Variants in GRIN2D observed in about 807,000 individuals in gnomAD.
GRIN2D encodes glutamate receptor ionotropic, NMDA 2D.
Under a neutral mutation model 103.2 loss-of-function variants are expected in GRIN2D, and 37 were observed. The observed-to-expected ratio is 0.36, with a 90% confidence interval of 0.28 to 0.47. The LOEUF (loss-of-function observed/expected upper bound fraction) is 0.47, where lower values mean the gene tolerates loss of function less well. Ranked by LOEUF, GRIN2D falls within the 20% of genes least tolerant of loss-of-function variation. The pLI is 1.00. For synonymous variants in GRIN2D, 845 were observed against 885.6 expected, an observed-to-expected ratio of 0.95 and a Z score of 0.81; for missense variants, 1,557 against 1,910.6, an observed-to-expected ratio of 0.81 and a Z score of 3.45.
chr19:48,442,440 AAGCCG>A lies in GRIN2D; in HGVS notation c.2673+62_2673+66del. 1 of 1,566,408 alleles carries A rather than the reference AAGCCG, an allele frequency of 6.4e-7. No homozygotes were observed. The highest frequency in any genetic ancestry group is 8.7e-7 in the Non-Finnish European group (1 of 1,151,684). On this transcript the variant is annotated intron_variant, in intron 13 of 13. Transcript: ENST00000263269. The surrounding 1 kb of genome is among the most constrained non-coding windows in gnomAD (Gnocchi z 7.2). ...GATGGCAGGGGCGGGGACAAAGGTA[AAGCCG>A]AGCAGAGACAAGGAGATGTGGGTCG... is the stretch of plus-strand genomic sequence containing the variant.
At chr19:48,410,797 A>C (rs1970848544) in intron 4 of GRIN2D, among the ~76,000 whole-genome samples, 1 of 152,124 alleles carries the variant, frequency 6.6e-6, no homozygotes, top group East Asian at 1.9e-4. Context: ...GCACAGAAGA[A>C]GACAGGGCAG....
intron 4 of GRIN2D, among the ~76,000 whole-genome samples, chr19:48,408,421 C>A (rs532245423): frequency 1.3e-5 from 2 of 151,802 alleles, no homozygotes; most frequent in African/African-American, 2.4e-5. Flanking sequence ...ATCACTTGAG[C>A]CTTGGAGATC....
rs767276570 is a variant in GRIN2D, at chr19:48,442,310, C to G, written c.2601C>G (p.His867Gln). 6.2e-7 allele frequency: 1 copy of G among 1,613,992 alleles called. No homozygotes were observed. The highest frequency in any genetic ancestry group is 2.2e-5 in the East Asian group (1 of 44,848). The change falls in exon 13 of 14, where the codon CAC (histidine) becomes CAG (glutamine). Residue 867 changes from histidine to glutamine, a missense_variant. Coordinates refer to ENST00000263269, the MANE Select transcript of GRIN2D (RefSeq NM_000836.4). The surrounding 1 kb of genome is among the most constrained non-coding windows in gnomAD (Gnocchi z 7.2). ...GLSLLVFAWE[H>Q]LVYWRLRHCL... Reference sequence around the variant, plus strand: ...CCCTGCTGGTCTTCGCCTGGGAGCACCTGGTGTACTGGCGCCTGCGGCACT... The same window carrying G: ...CCCTGCTGGTCTTCGCCTGGGAGCAGCTGGTGTACTGGCGCCTGCGGCACT...
Position 48,404,925 on chromosome 19 carries a change from A to G in GRIN2D, c.657A>G (p.Gly219=). ...GTCTGGTGGGCTGGGAGCACCGCGG[A>G]GCGCTGACGCTGGACCCTGGGGCGG... The part of the protein sequence containing the change: ...DGSLVGWEHR[G]ALTLDPGAGE... The change falls in exon 4 of 14, where the codon GGA becomes GGG. Residue 219 remains glycine (G), a synonymous_variant. Transcript: ENST00000263269. The G allele has an allele frequency of 6.2e-7, 1 of 1,613,736 alleles. No individual in the cohort carries two copies. Among genetic ancestry groups the G allele is most frequent in the Non-Finnish European group, 8.5e-7 (1 of 1,179,958 alleles).
Position 48,414,078 on chromosome 19 carries a change from C to T in GRIN2D, c.1173C>T (p.Ser391=), listed in dbSNP as rs1352928049. 3 of 1,608,178 alleles carry T rather than the reference C, an allele frequency of 1.9e-6. No homozygotes were observed. In the South Asian group the frequency reaches 3.3e-5, roughly 18 times the overall value. Residue 391 remains serine (S), a synonymous_variant, in exon 5 of 14, where the codon TCC becomes TCT. Transcript: ENST00000263269. This position sits in a 1 kb window ranked among gnomAD's most constrained non-coding sequence, Gnocchi z 4.6. ...FLVNPSLVVI[S]LTRDRTWEVV... is the part of the protein sequence containing the mutation. ...TGAACCCCTCCCTGGTGGTCATCTC[C>T]CTCACCAGAGACAGGACGTGGGAGG... is the stretch of plus-strand genomic sequence containing the variant.
intron 8 of GRIN2D, among the ~76,000 whole-genome samples, chr19:48,418,982 G>A (rs1302243986): frequency 6.6e-6 from 1 of 151,954 alleles, no homozygotes; most frequent in African/African-American, 2.4e-5. Flanking sequence ...AATAGGATGG[G>A]GTCAGATCTG....
In GRIN2D at chr19:48,421,227, G is replaced by A. The variant is rs946216000; in HGVS notation, c.2092-558G>A. Among the ~76,000 whole-genome samples, 5 of 152,132 alleles carry A rather than the reference G, an allele frequency of 3.3e-5. No individual in the cohort carries two copies. Among genetic ancestry groups the A allele is most frequent in the Non-Finnish European group, 5.9e-5 (4 of 68,028 alleles). ...GCGGATCACCTGAGGTTGGTAGTTC[G>A]AGACCAGCCTGACCAACATGGAGAA... is the stretch of plus-strand genomic sequence containing the variant. On this transcript the variant is annotated intron_variant, in intron 10 of 13. Coordinates refer to ENST00000263269, the MANE Select transcript of GRIN2D (RefSeq NM_000836.4). This position sits in a 1 kb window ranked among gnomAD's most constrained non-coding sequence, Gnocchi z 4.8.
intron 4 of GRIN2D, among the ~76,000 whole-genome samples, chr19:48,412,399 A>C (rs1461433416): frequency 1.3e-5 from 2 of 148,670 alleles, no homozygotes; most frequent in African/African-American, 5.0e-5. Flanking sequence ...AAGAGAAAGA[A>C]AAGAAAGAAA....
chr19:48,429,516 C>T (rs1188615972), intron 11 of GRIN2D, among the ~76,000 whole-genome samples: 1 of 152,136 alleles, frequency 6.6e-6, no homozygotes, highest in Non-Finnish European at 1.5e-5. Context: ...TCTCCTGCCT[C>T]AGCCTCCTGA....
intron 3 of GRIN2D, among the ~76,000 whole-genome samples, chr19:48,401,181 T>C (rs572038797): frequency 6.6e-6 from 1 of 152,076 alleles, no homozygotes; most frequent in African/African-American, 2.4e-5. Context: ...GCTGTTCTCA[T>C]TGCATTACAG....
intron 11 of GRIN2D, among the ~76,000 whole-genome samples, chr19:48,431,580 T>C (rs1336384126): frequency 6.6e-6 from 1 of 151,776 alleles, no homozygotes; most frequent in African/African-American, 2.4e-5. Context: ...CCTTGATCTG[T>C]TTCCCTTTTT....
At chr19:48,438,438 A>G (rs1971257137) in intron 11 of GRIN2D, among the ~76,000 whole-genome samples, 1 of 151,740 alleles carries the variant, frequency 6.6e-6, no homozygotes, top group South Asian at 2.1e-4. Flanking sequence ...AACTGGGACT[A>G]CAGATGCCTG....
At chr19:48,397,693 C>T (rs1308636751) in intron 2 of GRIN2D, among the ~76,000 whole-genome samples, 1 of 151,530 alleles carries the variant, frequency 6.6e-6, no homozygotes, top group Non-Finnish European at 1.5e-5. Context: ...TCACTCCGTC[C>T]TCTCTCTCTC....
Position 48,443,212 on chromosome 19 carries a change from T to G in GRIN2D, c.3286T>G (p.Cys1096Gly). ...AGGAGCCCCGGCCGCTCCGCCCCCG[T>G]GCCGCGCCGCGCCGCCCCCGTGCCC... ...GGGAPAAPPP[C>G]RAAPPPCPYL... Residue 1096 changes from cysteine (C) to glycine (G), a missense_variant, in exon 14 of 14, where the codon TGC becomes GGC. By Grantham distance (159) the Cys-to-Gly change is radical. Coordinates refer to ENST00000263269, the MANE Select transcript of GRIN2D (RefSeq NM_000836.4). This position sits in a 1 kb window ranked among gnomAD's most constrained non-coding sequence, Gnocchi z 8.9. The G allele has an allele frequency of 7.9e-7, 1 of 1,272,588 alleles. No individual in the cohort carries two copies. Among genetic ancestry groups the G allele is most frequent in the Non-Finnish European group, 1.0e-6 (1 of 995,906 alleles). 78.8% of individuals were successfully genotyped at this position (1,272,588 alleles called of 1,614,324 possible). A position where few individuals can be genotyped will look rare whatever the true frequency, so the allele number is the denominator to read the frequency against.
chr19:48,399,909 A>C (rs1970689011), intron 3 of GRIN2D, among the ~76,000 whole-genome samples: 1 of 151,218 alleles, frequency 6.6e-6, no homozygotes, highest in Non-Finnish European at 1.5e-5. Context: ...GCGGGGCCTA[A>C]GCACTCTAAT....
rs778297666 is a variant in GRIN2D at position 48,404,846 on chromosome 19, G to A, written c.578G>A (p.Arg193His). Residue 193 changes from arginine (R) to histidine (H), a missense_variant, in exon 4 of 14, where the codon CGT (arginine) becomes CAT (histidine). Physicochemically the swap from Arg to His is conservative, Grantham distance 29. Coordinates refer to ENST00000263269, the MANE Select transcript of GRIN2D (RefSeq NM_000836.4). ...DWTSFVAVTTRAPGHRAFLSY... is the reference protein window; with the variant it reads ...DWTSFVAVTTHAPGHRAFLSY... ...ACGTCCTTTGTAGCCGTGACCACTCGTGCCCCTGGCCACCGGGCCTTCCTG... is the reference window on the plus strand; with the variant it reads ...ACGTCCTTTGTAGCCGTGACCACTCATGCCCCTGGCCACCGGGCCTTCCTG... The A allele has an allele frequency of 2.5e-5, 40 of 1,614,094 alleles. No individual in the cohort carries two copies. The highest frequency in any genetic ancestry group is 1.6e-4 in the Middle Eastern group (1 of 6,084).
chr19:48,433,046 C>T (rs1446120084), intron 11 of GRIN2D, among the ~76,000 whole-genome samples: 3 of 97,446 alleles, frequency 3.1e-5, no homozygotes, highest in Admixed American at 1.2e-4. Flanking sequence ...CCACCTCAGC[C>T]TCCCAAAGTG....
At chr19:48,422,696 T>G (rs1971038965) in intron 11 of GRIN2D, among the ~76,000 whole-genome samples, 1 of 152,228 alleles carries the variant, frequency 6.6e-6, no homozygotes, top group African/African-American at 2.4e-5. Flanking sequence ...CTATAGGTGT[T>G]TGCTGATATT....
Position 48,442,481 on chromosome 19 carries a change from A to G in GRIN2D, c.2673+99A>G. The G allele has an allele frequency of 6.6e-7, 1 of 1,517,192 alleles. No homozygotes were observed. The highest frequency in any genetic ancestry group is 2.3e-5 in the East Asian group (1 of 43,148). The allele number at this position is 1,517,192 out of a possible 1,614,324, so 94.0% of individuals were successfully genotyped here. On this transcript the variant is annotated intron_variant, in intron 13 of 13. Transcript: ENST00000263269. This position sits in a 1 kb window ranked among gnomAD's most constrained non-coding sequence, Gnocchi z 7.2. ...AGGAGATGTGGGTCGAGATGTGGAT[A>G]GTGGGGAAGAGAGCGGGAAACACAG...
Sources: gnomAD v4.1 joint callset for allele counts (sites outside exome capture counted in the v4.1 genomes callset) on GRCh38, gnomAD v4.1.1 for gene constraint, Gnocchi (gnomAD v3.1) non-coding constraint, MANE v1.5 for transcripts, NCBI Gene and HGNC (gene_info 2026-07-23, HGNC 2026-07-21) for gene names.